NISCH: variants seen among roughly 807,000 people sequenced by gnomAD.
NISCH encodes nischarin, also known as I-1 receptor candidate protein.
A neutral mutation model predicts 138.4 loss-of-function variants in NISCH; 55 were observed. The ratio of observed to expected loss-of-function variants is 0.40; its 90% CI spans 0.32 to 0.50. The LOEUF (loss-of-function observed/expected upper bound fraction) is 0.50. Among genes scored for constraint, NISCH ranks in the 20% least tolerant of loss-of-function variants. The pLI, the probability that NISCH is intolerant of heterozygous loss-of-function variation, is 0.71. For synonymous variants in NISCH, 860 were observed against 861.5 expected (o/e 1.00, Z 0.03); for missense variants, 1,643 against 2,005.5 (o/e 0.82, Z 3.45).
intron 13 of NISCH, among the ~76,000 whole-genome samples, chr3:52,482,565 C>T (rs1478669729): frequency 6.6e-6 from 1 of 152,170 alleles, no homozygotes. Context: ...GTGAAGTGGA[C>T]GCACCCTACT....
Position 52,487,578 on chromosome 3 carries a change from G to A in NISCH, c.2086G>A (p.Ala696Thr), listed in dbSNP as rs775203655. The A allele has an allele frequency of 6.8e-6, 11 of 1,612,924 alleles. No homozygotes were observed. Among genetic ancestry groups the A allele is most frequent in the African/African-American group, 2.7e-5 (2 of 74,902 alleles). ...ERLALEWALG[A>T]DEDFLLEHIR... ...CCTGGCTCTGGAATGGGCCCTGGGC[G>A]CGGACGAGGACTTCCTGCTGGAGCA... Residue 696 changes from alanine to threonine, a missense_variant, in exon 16 of 21, where the codon GCG becomes ACG. Transcript: ENST00000345716. The surrounding 1 kb of genome is among the most constrained non-coding windows in gnomAD (Gnocchi z 9.1).
Position 52,488,077 on chromosome 3 carries a change from A to G in NISCH, c.2585A>G (p.Tyr862Cys), listed in dbSNP as rs767134460. The change falls in exon 16 of 21, where the codon TAC (tyrosine) becomes TGC (cysteine). Residue 862 changes from tyrosine (Y) to cysteine (C), a missense_variant. Tyr to Cys is a radical substitution (Grantham distance 194, BLOSUM62 -2). Transcript: ENST00000345716. ...SQGCFPVYLV[Y>C]SDKRMVQTAA... ...GGCTGCTTCCCCGTCTACCTGGTCT[A>G]CAGTGACAAGCGCATGGTGCAGACG... 1.2e-6 allele frequency: 2 copies of G among 1,612,774 alleles called. No individual in the cohort carries two copies. Among genetic ancestry groups the G allele is most frequent in the Non-Finnish European group, 1.7e-6 (2 of 1,179,926 alleles).
intron 14 of NISCH, 49 bp downstream of exon 14, chr3:52,484,686 C>T: frequency 6.2e-7 from 1 of 1,608,328 alleles, no homozygotes; most frequent in Non-Finnish European, 8.5e-7. Flanking sequence ...TGGGTGGACT[C>T]TTCTGCTTGG....
intron 3 of NISCH, among the ~76,000 whole-genome samples, chr3:52,460,249 G>A (rs1273255510): frequency 6.8e-6 from 1 of 147,934 alleles, no homozygotes; most frequent in Non-Finnish European, 1.5e-5. Flanking sequence ...AGTGGCTCAT[G>A]CCTGTGATCC....
chr3:52,478,257 A>T lies in NISCH; in HGVS notation c.1148A>T (p.Asp383Val). The change falls in exon 10 of 21, where the codon GAT becomes GTT. Residue 383 changes from aspartate (D) to valine (V), a missense_variant. Physicochemically the swap from Asp to Val is radical, Grantham distance 152. Coordinates refer to ENST00000345716, the MANE Select transcript of NISCH (RefSeq NM_007184.4). ...AAGCTCTACTCACTGGTCAACCTGG[A>T]TCTCCGGGACAACAGGATCGAACAG... ...LHKLYSLVNLDLRDNRIEQME... is the reference protein window; with the variant it reads ...LHKLYSLVNLVLRDNRIEQME... 1.2e-6 allele frequency: 2 copies of T among 1,614,052 alleles called. No individual in the cohort carries two copies. The highest frequency in any genetic ancestry group is 3.3e-5 in the Admixed American group (2 of 60,008).
intron 3 of NISCH, among the ~76,000 whole-genome samples, chr3:52,464,823 C>T (rs972756903): frequency 2.6e-5 from 4 of 151,856 alleles, no homozygotes; most frequent in Non-Finnish European, 5.9e-5. Context: ...CACATCCGGC[C>T]TGCCCAGCTA....
chr3:52,487,579 C>A lies in NISCH; in HGVS notation c.2087C>A (p.Ala696Glu). ...ERLALEWALG[A>E]DEDFLLEHIR... Reference sequence around the variant, plus strand: ...CTGGCTCTGGAATGGGCCCTGGGCGCGGACGAGGACTTCCTGCTGGAGCAC... The same window carrying A: ...CTGGCTCTGGAATGGGCCCTGGGCGAGGACGAGGACTTCCTGCTGGAGCAC... Residue 696 changes from alanine (A) to glutamate (E), a missense_variant, in exon 16 of 21, where the codon GCG becomes GAG. By Grantham distance (107) the Ala-to-Glu change is moderately radical (BLOSUM62 -1). Coordinates refer to ENST00000345716, the MANE Select transcript of NISCH (RefSeq NM_007184.4). The surrounding 1 kb of genome is among the most constrained non-coding windows in gnomAD (Gnocchi z 9.1). The A allele has an allele frequency of 1.9e-6, 3 of 1,613,028 alleles. No individual in the cohort carries two copies. The highest frequency in any genetic ancestry group is 2.5e-6 in the Non-Finnish European group (3 of 1,179,280).
At chr3:52,455,912 C>T (rs1003762353) in intron 1 of NISCH, among the ~76,000 whole-genome samples, 178 bp downstream of exon 1, 1 of 142,928 alleles carries the variant, frequency 7.0e-6, no homozygotes, top group Non-Finnish European at 1.5e-5. Flanking sequence ...CCCGCAGGTC[C>T]GGGAGAAGGG....
intron 16 of NISCH, 79 bp downstream of exon 16, chr3:52,488,684 T>A: frequency 3.9e-6 from 5 of 1,273,378 alleles, no homozygotes; most frequent in Non-Finnish European, 4.3e-6. Context: ...GCGGCTAGTG[T>A]GGGCTGGGAG....
chr3:52,456,408 G>A (rs1207449918), intron 1 of NISCH, among the ~76,000 whole-genome samples: 1 of 152,154 alleles, frequency 6.6e-6, no homozygotes, highest in East Asian at 1.9e-4. Context: ...GAGCGAGATG[G>A]GGCAACAAGC....
chr3:52,484,462 T>TTGCG, intron 13 of NISCH, 51 bp from the exon 14 acceptor site: 9 of 788,668 alleles, frequency 1.1e-5, no homozygotes, highest in East Asian at 3.5e-5. Context: ...ACAGCCGCTC[T>TTGCG]CCCCGCCCCA....
chr3:52,474,111 G>A (rs538782111), intron 7 of NISCH, among the ~76,000 whole-genome samples: 1 of 152,250 alleles, frequency 6.6e-6, no homozygotes, highest in South Asian at 2.1e-4. Flanking sequence ...TGGTGTTTTT[G>A]TGTTGTTTTG....
chr3:52,490,670 C>T (rs1707537713), intron 18 of NISCH, 35 bp from the exon 19 acceptor site: 1 of 1,613,772 alleles, frequency 6.2e-7, no homozygotes, highest in African/African-American at 1.3e-5. Flanking sequence ...GCTTGCCTGC[C>T]ACCGCCTCCC....
Position 52,473,501 on chromosome 3 carries a change from G to C in NISCH, c.670-233G>C, listed in dbSNP as rs1022137563. ...CCTTACAGAGGAAATGGAATTTGTG[G>C]TCCATTGTGAGTCTGAGGGGCCAGG... On this transcript the variant is annotated intron_variant, in intron 6 of 20. Coordinates refer to ENST00000345716, the MANE Select transcript of NISCH (RefSeq NM_007184.4). Among the ~76,000 whole-genome samples the C allele has an allele frequency of 3.9e-5, 6 of 152,152 alleles. No individual in the cohort carries two copies. The East Asian group carries it at 1.2e-3, about 29-fold the overall frequency.
rs878894154 is a variant in NISCH, at chr3:52,491,334, C to T, written c.3743-18C>T. 1.2e-6 allele frequency: 2 copies of T among 1,604,212 alleles called. No individual in the cohort carries two copies. The highest frequency in any genetic ancestry group is 2.7e-5 in the African/African-American group (2 of 74,828). ...GGGAGCGCCGGCCTGTGGCCCTGAC[C>T]AGCCCCTTCTCGTGCAGGTTCCACC... is the stretch of plus-strand genomic sequence containing the variant. On this transcript the variant is annotated intron_variant, in intron 19 of 20. Coordinates refer to ENST00000345716, the MANE Select transcript of NISCH (RefSeq NM_007184.4).
intron 12 of NISCH, 64 bp from the exon 13 acceptor site, chr3:52,480,120 C>G: frequency 6.3e-7 from 1 of 1,587,788 alleles, no homozygotes. Context: ...TCCTCACACC[C>G]CTGGCCTTGG....
chr3:52,488,536 A>G lies in NISCH; in HGVS notation c.3044A>G (p.Lys1015Arg). ...LQDLKTVVIA[K>R]TPGTGGSPQG... ...GACCTGAAGACTGTGGTCATCGCCA[A>G]GACCCCCGGGACGGGAGGCAGCCCC... Residue 1015 changes from lysine to arginine, a missense_variant, in exon 16 of 21, where the codon AAG becomes AGG. Coordinates refer to ENST00000345716, the MANE Select transcript of NISCH (RefSeq NM_007184.4). 4 of 1,613,112 alleles carry G rather than the reference A, an allele frequency of 2.5e-6. No homozygotes were observed. Among genetic ancestry groups the G allele is most frequent in the Non-Finnish European group, 3.4e-6 (4 of 1,179,962 alleles).
intron 3 of NISCH, among the ~76,000 whole-genome samples, chr3:52,463,714 CTTTTTTTTTTTT>C (rs71084184): frequency 9.7e-5 from 4 of 41,402 alleles, no homozygotes; most frequent in Non-Finnish European, 1.5e-4. Context: ...TATTGAACCT[CTTTTTTTTTTTT>C]TTTTTTTTTT....
At chr3:52,472,262 T>C (rs745569988) in intron 5 of NISCH, 41 bp from the exon 6 acceptor site, 5 of 1,568,400 alleles carry the variant, frequency 3.2e-6, no homozygotes, top group Non-Finnish European at 4.4e-6. Flanking sequence ...CCGATGGGCA[T>C]GCGACACTGT....
Sources: gnomAD v4.1 joint callset for allele counts (sites outside exome capture counted in the v4.1 genomes callset) on GRCh38, gnomAD v4.1.1 for gene constraint, Gnocchi (gnomAD v3.1) non-coding constraint, MANE v1.5 for transcripts, NCBI Gene and HGNC (gene_info 2026-07-23, HGNC 2026-07-21) for gene names.